FHIT: variants seen among roughly 807,000 people sequenced by gnomAD.
The protein encoded by FHIT is bis(5'-adenosyl)-triphosphatase.
A neutral mutation model predicts 17.9 loss-of-function variants in FHIT; 19 were observed. The ratio of observed to expected loss-of-function variants is 1.06; its 90% CI spans 0.74 to 1.56. The LOEUF (loss-of-function observed/expected upper bound fraction) is 1.56. Among genes scored for constraint, FHIT ranks in the 40% most tolerant of loss-of-function variants. The pLI is 0.00. For missense variants in FHIT, 248 were observed against 189.2 expected (o/e 1.31, Z -1.82); for synonymous variants, 81 against 69.7 (o/e 1.16, Z -0.81).
intron 5 of FHIT, among the ~76,000 whole-genome samples, chr3:60,330,224 GT>G (rs1709898249): frequency 6.6e-6 from 1 of 152,156 alleles, no homozygotes; most frequent in South Asian, 2.1e-4. Context: ...CAGACAATTG[GT>G]TCCTGGAGGG....
chr3:61,028,930 G>A (rs1289378289), intron 3 of FHIT, among the ~76,000 whole-genome samples: 1 of 151,848 alleles, frequency 6.6e-6, no homozygotes, highest in Non-Finnish European at 1.5e-5. Flanking sequence ...TACATACAGG[G>A]GCCCACTTAG....
chr3:60,216,683 T>G (rs996909153), intron 5 of FHIT, among the ~76,000 whole-genome samples: 2 of 152,208 alleles, frequency 1.3e-5, no homozygotes, highest in Non-Finnish European at 2.9e-5. Context: ...GTTGGATAGA[T>G]AATCCAGACA....
At chr3:60,361,065 CCT>C (rs540304394) in intron 5 of FHIT, among the ~76,000 whole-genome samples, 2 of 152,094 alleles carry the variant, frequency 1.3e-5, no homozygotes, top group Non-Finnish European at 2.9e-5. Flanking sequence ...GTGATGGCTC[CCT>C]GTTTCCTACT....
intron 5 of FHIT, among the ~76,000 whole-genome samples, chr3:60,107,134 T>C: frequency 6.7e-6 from 1 of 148,256 alleles, no homozygotes; most frequent in Admixed American, 7.0e-5. Flanking sequence ...AATTTTAACC[T>C]TTAAAAGCTT....
At chr3:60,482,206 G>C (rs1039499799) in intron 5 of FHIT, among the ~76,000 whole-genome samples, 3 of 152,164 alleles carry the variant, frequency 2.0e-5, no homozygotes, top group Non-Finnish European at 4.4e-5. Flanking sequence ...AAGAGACTTA[G>C]ACTCCCACAC....
At chr3:59,751,026 T>TTCTAAAAA (rs1700866117) in intron 9 of FHIT, 1 of 168,222 alleles carries the variant, frequency 5.9e-6, no homozygotes, top group African/African-American at 3.3e-5. Context: ...AATTATCTAA[T>TTCTAAAAA]TCTAAAAACA....
intron 4 of FHIT, among the ~76,000 whole-genome samples, chr3:60,668,532 G>T (rs1307730135): frequency 9.5e-5 from 14 of 148,084 alleles, no homozygotes; most frequent in African/African-American, 3.5e-4. Flanking sequence ...TGTTCCTCCA[G>T]GCCTAGGGAG....
intron 5 of FHIT, among the ~76,000 whole-genome samples, chr3:60,479,513 T>C (rs2033507092): frequency 6.6e-6 from 1 of 152,182 alleles, no homozygotes; most frequent in Admixed American, 6.5e-5. Flanking sequence ...CACAAGACAT[T>C]ACTTATGTGT....
intron 5 of FHIT, among the ~76,000 whole-genome samples, chr3:60,347,185 G>T (rs1476504459): frequency 6.6e-6 from 1 of 151,786 alleles, no homozygotes; most frequent in East Asian, 1.9e-4. Context: ...TAGTAAAGAA[G>T]AATAGACTAA....
chr3:60,335,461 T>C (rs1710189284), intron 5 of FHIT, among the ~76,000 whole-genome samples: 1 of 152,212 alleles, frequency 6.6e-6, no homozygotes, highest in African/African-American at 2.4e-5. Context: ...TGATAGTTCA[T>C]CATTTACATG....
rs114471744 is a variant in FHIT at position 60,370,391 on chromosome 3, A to G, written c.103+166469T>C. 1.3e-3 allele frequency among the ~76,000 whole-genome samples: 194 copies of G among 152,268 alleles called. 2 individuals are homozygous for G. Among genetic ancestry groups the G allele is most frequent in the Middle Eastern group, 0.01 (3 of 294 alleles). ...TTCATACTCCAGAACCTCTCGCCCA[A>G]TAAAATTATCTCCTCCCAGGGCTTT... On this transcript the variant is annotated intron_variant, in intron 5 of 9. Coordinates refer to ENST00000492590, the MANE Select transcript of FHIT (RefSeq NM_002012.4).
intron 2 of FHIT, among the ~76,000 whole-genome samples, chr3:61,183,420 A>C (rs771482817): frequency 7.2e-5 from 11 of 152,184 alleles, no homozygotes; most frequent in Non-Finnish European, 1.3e-4. Context: ...TTATCAGGGA[A>C]CACAGCACAA....
intron 5 of FHIT, among the ~76,000 whole-genome samples, chr3:60,365,618 G>T (rs548135072): frequency 1.3e-5 from 2 of 152,242 alleles, no homozygotes; most frequent in South Asian, 4.1e-4. Context: ...CACAGTCATA[G>T]ACCACTTCTG....
chr3:61,137,750 G>T (rs971047995), intron 2 of FHIT, among the ~76,000 whole-genome samples: 1 of 152,220 alleles, frequency 6.6e-6, no homozygotes, highest in Non-Finnish European at 1.5e-5. Context: ...CCCAAGGTTA[G>T]AAAGTGCAGA....
chr3:60,460,560 C>G (rs527742436), intron 5 of FHIT, among the ~76,000 whole-genome samples: 76 of 152,118 alleles, frequency 5.0e-4, no homozygotes, highest in African/African-American at 1.8e-3. Flanking sequence ...TATTATAAAC[C>G]TAGAAACTGT....
chr3:60,796,091 C>T (rs1236203736), intron 4 of FHIT, among the ~76,000 whole-genome samples: 2 of 152,070 alleles, frequency 1.3e-5, no homozygotes, highest in African/African-American at 2.4e-5. Flanking sequence ...CATCAGATCA[C>T]GTAAGACTTA....
At chr3:60,711,584 G>C (rs2041533928) in intron 4 of FHIT, among the ~76,000 whole-genome samples, 1 of 152,202 alleles carries the variant, frequency 6.6e-6, no homozygotes, top group Non-Finnish European at 1.5e-5. Context: ...GCTTAAAGGA[G>C]CTGATGGAGT....
intron 4 of FHIT, among the ~76,000 whole-genome samples, chr3:60,677,167 G>A (rs955311889): frequency 3.9e-5 from 6 of 152,164 alleles, no homozygotes; most frequent in South Asian, 2.1e-4. Flanking sequence ...ATGAGCCACT[G>A]TGCCCAGCCA....
intron 4 of FHIT, among the ~76,000 whole-genome samples, chr3:60,713,569 G>C (rs1441594043): frequency 6.6e-6 from 1 of 151,712 alleles, no homozygotes; most frequent in African/African-American, 2.4e-5. Context: ...GAATCAAATA[G>C]ACACAATAAA....
Sources: allele counts gnomAD v4.1 joint callset (sites outside exome capture counted in the v4.1 genomes callset), GRCh38; gene constraint gnomAD v4.1.1; transcripts MANE v1.5; gene names NCBI Gene and HGNC (gene_info 2026-07-23, HGNC 2026-07-21).